The following TMEM106B variants were observed in gnomAD, a reference collection of about 807,000 sequenced individuals.
TMEM106B encodes transmembrane protein 106B.
In TMEM106B, 15 loss-of-function variants were observed where a neutral mutation model predicts 31.1. The ratio of observed to expected loss-of-function variants is 0.48; its 90% CI spans 0.32 to 0.74. The LOEUF (loss-of-function observed/expected upper bound fraction) is 0.74. Among genes scored for constraint, TMEM106B ranks in the 30% least tolerant of loss-of-function variants. TMEM106B has a pLI of 0.03. For missense variants in TMEM106B, 283 were observed against 327.3 expected, an observed-to-expected ratio of 0.86 and a Z score of 1.04; for synonymous variants, 126 against 112.5, an observed-to-expected ratio of 1.12 and a Z score of -0.76.
rs1782096758 is a variant in TMEM106B, at chr7:12,234,786, C to T, written c.*2811C>T. 1 of 108,550 alleles carries T rather than the reference C, an allele frequency of 9.2e-6. No homozygotes were observed. The highest frequency in any genetic ancestry group is 3.5e-4 in the South Asian group (1 of 2,874). 6.7% of individuals were successfully genotyped at this position (108,550 alleles called of 1,614,324 possible). On this transcript the variant is annotated 3_prime_UTR_variant, in exon 8 of 8. Transcript: ENST00000396668. Reference sequence around the variant, plus strand: ...CTCTGTATGTTGATAGCACATTGGCCCTTTTTAGAGTTCTTTCCTATGTTT... The same window carrying T: ...CTCTGTATGTTGATAGCACATTGGCTCTTTTTAGAGTTCTTTCCTATGTTT...
chr7:12,221,259 A>G (rs998517257), intron 3 of TMEM106B, among the ~76,000 whole-genome samples: 6 of 152,214 alleles, frequency 3.9e-5, no homozygotes, highest in African/African-American at 1.4e-4. Context: ...AGTGACTTGA[A>G]AACATTGTGC....
intron 3 of TMEM106B, among the ~76,000 whole-genome samples, chr7:12,221,949 C>T (rs1583453208): frequency 1.3e-5 from 2 of 152,290 alleles, no homozygotes; most frequent in African/African-American, 2.4e-5. Context: ...AGGCCAAGAA[C>T]AGTTGTTGTT....
At chr7:12,213,397 A>G (rs1287035098) in intron 1 of TMEM106B, among the ~76,000 whole-genome samples, 1 of 152,192 alleles carries the variant, frequency 6.6e-6, no homozygotes, top group African/African-American at 2.4e-5. Flanking sequence ...TGGTGATTGT[A>G]TTTATCACAA....
At chr7:12,231,602 T>G in intron 7 of TMEM106B, 1 of 357,024 alleles carries the variant, frequency 2.8e-6, no homozygotes, top group Non-Finnish European at 5.0e-6. Flanking sequence ...AGAAGATAAT[T>G]GTTTTAAAAT....
chr7:12,216,914 A>G (rs11974384), intron 2 of TMEM106B, among the ~76,000 whole-genome samples: 48,356 of 151,830 alleles, frequency 0.32, 7,978 homozygotes, highest in East Asian at 0.53. Context: ...AGTGGGCTCA[A>G]GAGTGCATAG....
Position 12,231,098 on chromosome 7 carries a change from CAT to C in TMEM106B, c.671_672del (p.Ile224SerfsTer17). ...CTLISIKVHN[I>X]VLMMQVTVTT... ...CTCTGATATCCATCAAAGTGCATAA[CAT>C]AGTACTCATGATGCAGTAAGTACAA... On this transcript the variant is annotated frameshift_variant, in exon 7 of 8. Transcript: ENST00000396668. LOFTEE classifies it high-confidence loss of function. The C allele has an allele frequency of 6.2e-7, 1 of 1,602,124 alleles. No homozygotes were observed. The highest frequency in any genetic ancestry group is 8.5e-7 in the Non-Finnish European group (1 of 1,174,402).
Position 12,234,261 on chromosome 7 carries a change from G to A in TMEM106B, c.*2286G>A, listed in dbSNP as rs571246198. The A allele has an allele frequency of 8.6e-5, 13 of 151,914 alleles. No homozygotes were observed. Among genetic ancestry groups the A allele is most frequent in the South Asian group, 4.1e-4 (2 of 4,826 alleles). The allele number at this position is 151,914 out of a possible 1,614,324, so 9.4% of individuals were successfully genotyped here. On this transcript the variant is annotated 3_prime_UTR_variant, in exon 8 of 8. Coordinates refer to ENST00000396668, the MANE Select transcript of TMEM106B (RefSeq NM_001134232.2). ...TATCTCCTGAAAAGGATGGAAAGTA[G>A]AAGCATTTGCTTTTAGTCACTTAAT...
At chr7:12,219,987 T>A (rs931841249) in intron 3 of TMEM106B, among the ~76,000 whole-genome samples, 1 of 152,114 alleles carries the variant, frequency 6.6e-6, no homozygotes, top group Non-Finnish European at 1.5e-5. Context: ...GTTAGTGAAA[T>A]TCTTGAACTT....
chr7:12,230,615 A>G, intron 6 of TMEM106B, 177 bp downstream of exon 6: 2 of 447,480 alleles, frequency 4.5e-6, no homozygotes, highest in South Asian at 4.9e-5. Flanking sequence ...ATTCATGTAT[A>G]TATACACATA....
chr7:12,229,536 G>C (rs1003124921), intron 4 of TMEM106B, 143 bp from the exon 5 acceptor site: 3 of 660,332 alleles, frequency 4.5e-6, no homozygotes, highest in Non-Finnish European at 4.9e-6. Context: ...CCAAATAATT[G>C]GTTTAATTTT....
intron 3 of TMEM106B, among the ~76,000 whole-genome samples, chr7:12,223,921 G>C (rs949580971): frequency 6.6e-6 from 1 of 151,784 alleles, no homozygotes. Flanking sequence ...GTTTTTCACT[G>C]TGTTGGTCAG....
At chr7:12,231,274 C>A in intron 7 of TMEM106B, 159 bp downstream of exon 7, 1 of 546,380 alleles carries the variant, frequency 1.8e-6, no homozygotes, top group Non-Finnish European at 3.2e-6. Flanking sequence ...TTAAAAATTA[C>A]GAAATGGTTG....
Position 12,241,877 on chromosome 7 carries a change from A to G in TMEM106B, c.*9902A>G, listed in dbSNP as rs1782242829. ...TACACTCCCACCAACAGTGTGTAAAAGCTTCCTATTTCTCTACATTCTCTC... is the reference window on the plus strand; with the variant it reads ...TACACTCCCACCAACAGTGTGTAAAGGCTTCCTATTTCTCTACATTCTCTC... On this transcript the variant is annotated 3_prime_UTR_variant, in exon 8 of 8. Transcript: ENST00000396668. 6.6e-6 allele frequency: 1 copy of G among 152,140 alleles called. No individual in the cohort carries two copies. Among genetic ancestry groups the G allele is most frequent in the Admixed American group, 6.6e-5 (1 of 15,264 alleles). 9.4% of individuals were successfully genotyped at this position (152,140 alleles called of 1,614,324 possible). A position where few individuals can be genotyped will look rare whatever the true frequency, so the allele number is the denominator to read the frequency against.
chr7:12,231,420 C>T, intron 7 of TMEM106B: 1 of 287,660 alleles, frequency 3.5e-6, no homozygotes, highest in South Asian at 7.2e-5. Flanking sequence ...TAGTCATTAA[C>T]AGTAATAAGA....
Position 12,243,111 on chromosome 7 carries a change from T to A in TMEM106B, c.*11136T>A, listed in dbSNP as rs1415155117. 1 of 152,076 alleles carries A rather than the reference T, an allele frequency of 6.6e-6. No individual in the cohort carries two copies. Among genetic ancestry groups the A allele is most frequent in the Non-Finnish European group, 1.5e-5 (1 of 67,964 alleles). 9.4% of individuals were successfully genotyped at this position (152,076 alleles called of 1,614,324 possible). On this transcript the variant is annotated 3_prime_UTR_variant, in exon 8 of 8. Coordinates refer to ENST00000396668, the MANE Select transcript of TMEM106B (RefSeq NM_001134232.2). ...CAAGGTTTTTTATTTATATAAATATTGTTACTTTACCACTAGTGATTTCAA... is the reference window on the plus strand; with the variant it reads ...CAAGGTTTTTTATTTATATAAATATAGTTACTTTACCACTAGTGATTTCAA...
At chr7:12,212,315 A>G (rs57209188) in intron 1 of TMEM106B, among the ~76,000 whole-genome samples, 2,365 of 152,264 alleles carry the variant, frequency 0.016, 67 homozygotes, top group African/African-American at 0.054. Flanking sequence ...ATAAGGCCCA[A>G]TGATCCCAAT....
chr7:12,215,752 A>G, intron 2 of TMEM106B: 1 of 202,818 alleles, frequency 4.9e-6, no homozygotes. Context: ...CTAAAGAAGA[A>G]GAATAAGCTG....
Position 12,239,400 on chromosome 7 carries a change from TATC to T in TMEM106B, c.*7428_*7430del, listed in dbSNP as rs767311500. 4 of 152,190 alleles carry T rather than the reference TATC, an allele frequency of 2.6e-5. No homozygotes were observed. The highest frequency in any genetic ancestry group is 2.6e-4 in the Admixed American group (4 of 15,260). 9.4% of individuals were successfully genotyped at this position (152,190 alleles called of 1,614,324 possible). A position where few individuals can be genotyped will look rare whatever the true frequency, so the allele number is the denominator to read the frequency against. On this transcript the variant is annotated 3_prime_UTR_variant, in exon 8 of 8. Coordinates refer to ENST00000396668, the MANE Select transcript of TMEM106B (RefSeq NM_001134232.2). ...CGGCAATAAGGCTGTTTGATTTTCT[TATC>T]ATTCATGTTTTCTGGAACACTTTTC...
Position 12,240,663 on chromosome 7 carries a change from G to C in TMEM106B, c.*8688G>C, listed in dbSNP as rs1306053321. On this transcript the variant is annotated 3_prime_UTR_variant, in exon 8 of 8. Transcript: ENST00000396668. ...AGGGAGAAGAATCATTAATAAGTTTGTGAGGCTTTTTTTTTTTTTCTGGTA... is the reference window on the plus strand; with the variant it reads ...AGGGAGAAGAATCATTAATAAGTTTCTGAGGCTTTTTTTTTTTTTCTGGTA... 1 of 148,626 alleles carries C rather than the reference G, an allele frequency of 6.7e-6. No homozygotes were observed. Among genetic ancestry groups the C allele is most frequent in the African/African-American group, 2.5e-5 (1 of 40,604 alleles). 9.2% of individuals were successfully genotyped at this position (148,626 alleles called of 1,614,324 possible).
Sources: gnomAD v4.1 joint callset for allele counts (sites outside exome capture counted in the v4.1 genomes callset) on GRCh38, gnomAD v4.1.1 for gene constraint, MANE v1.5 for transcripts, NCBI Gene and HGNC (gene_info 2026-07-23, HGNC 2026-07-21) for gene names.